NRDE2: variants seen among roughly 807,000 people sequenced by gnomAD.
The protein encoded by NRDE2 is nuclear exosome regulator NRDE2.
Under a neutral mutation model 124.2 loss-of-function variants are expected in NRDE2, and 76 were observed. That is an observed-to-expected ratio of 0.61 (90% CI 0.51 to 0.74). The LOEUF is 0.74. Ranked by LOEUF, NRDE2 falls within the 30% of genes least tolerant of loss-of-function variation. NRDE2 has a pLI of 0.00. For missense variants in NRDE2, 1,314 were observed against 1,417.3 expected, an observed-to-expected ratio of 0.93 and a Z score of 1.17; for synonymous variants, 489 against 528.1, an observed-to-expected ratio of 0.93 and a Z score of 1.01.
At position 90,269,912 on chromosome 14, in the gene NRDE2, A is replaced by G; in HGVS notation, c.*8424T>C. On this transcript the variant is annotated 3_prime_UTR_variant, in exon 14 of 14. Coordinates refer to ENST00000354366, the MANE Select transcript of NRDE2 (RefSeq NM_017970.4). ...AGTGATTTGTTTGCTGTCTTTTGTAATGTTTTTAACACAATAGGTCTGCCC... is the reference window on the plus strand; with the variant it reads ...AGTGATTTGTTTGCTGTCTTTTGTAGTGTTTTTAACACAATAGGTCTGCCC... The G allele has an allele frequency of 2.5e-6, 1 of 395,918 alleles. No homozygotes were observed. Among genetic ancestry groups the G allele is most frequent in the African/African-American group, 2.0e-5 (1 of 49,114 alleles). The allele number at this position is 395,918 out of a possible 1,614,324, so 24.5% of individuals were successfully genotyped here.
intron 3 of NRDE2, among the ~76,000 whole-genome samples, chr14:90,315,673 G>C (rs1240037561): frequency 1.3e-5 from 2 of 152,066 alleles, no homozygotes; most frequent in Non-Finnish European, 2.9e-5. Context: ...GTAGAAAGCA[G>C]AGTAGGCCAC....
rs1450473040 is a variant in NRDE2 at position 90,272,602 on chromosome 14, A to G, written c.*5734T>C. On this transcript the variant is annotated 3_prime_UTR_variant, in exon 14 of 14. Transcript: ENST00000354366. This position sits in a 1 kb window ranked among gnomAD's most constrained non-coding sequence, Gnocchi z 4.5. ...TCACTGTGCAGCAGTCTGCTTCCCA[A>G]TAAAGCGTGCTCTTTCACAAACACT... is the stretch of plus-strand genomic sequence containing the variant. 6 of 499,138 alleles carry G rather than the reference A, an allele frequency of 1.2e-5. No individual in the cohort carries two copies. Among genetic ancestry groups the G allele is most frequent in the South Asian group, 2.6e-5 (1 of 38,374 alleles). The allele number at this position is 499,138 out of a possible 1,614,324, so 30.9% of individuals were successfully genotyped here. A position where few individuals can be genotyped will look rare whatever the true frequency, so the allele number is the denominator to read the frequency against.
chr14:90,289,076 C>T lies in NRDE2; in HGVS notation c.2299G>A (p.Ala767Thr). ...TCTGGCTCCTTAAGGAGATTCTTGG[C>T]TAGTTTTTTGCAGTTCTTCCCTTGA... ...KSQGKNCKKL[A>T]KNLLKEPENC... The change falls in exon 11 of 14, where the codon GCC becomes ACC. Residue 767 changes from alanine (A) to threonine (T), a missense_variant. Physicochemically the swap from Ala to Thr is moderately conservative, Grantham distance 58 (BLOSUM62 0). Coordinates refer to ENST00000354366, the MANE Select transcript of NRDE2 (RefSeq NM_017970.4). The T allele has an allele frequency of 6.2e-7, 1 of 1,613,968 alleles. No homozygotes were observed. Among genetic ancestry groups the T allele is most frequent in the Non-Finnish European group, 8.5e-7 (1 of 1,179,864 alleles).
At position 90,290,322 on chromosome 14, in the gene NRDE2, C is replaced by T. The variant is rs1043134642; in HGVS notation, c.2128G>A (p.Glu710Lys). The T allele has an allele frequency of 2.8e-5, 45 of 1,613,990 alleles. No homozygotes were observed. Among genetic ancestry groups the T allele is most frequent in the East Asian group, 4.5e-5 (2 of 44,896 alleles). ...RWTRGQNREG[E>K]EFIRNVFHLV... ...TGGAAGACATTGCGGATGAACTCCT[C>T]GCCCTCTCGGTTCTGACCCCTGGTC... The change falls in exon 10 of 14, where the codon GAG becomes AAG. Residue 710 changes from glutamate to lysine, a missense_variant. Transcript: ENST00000354366.
At chr14:90,311,004 GTTA>G (rs1370718702) in intron 4 of NRDE2, among the ~76,000 whole-genome samples, 1 of 152,174 alleles carries the variant, frequency 6.6e-6, no homozygotes, top group Non-Finnish European at 1.5e-5. Context: ...TAAAACAACT[GTTA>G]TTAACTCATT....
At chr14:90,309,472 CA>C (rs746289824) in intron 4 of NRDE2, among the ~76,000 whole-genome samples, 18 of 110,746 alleles carry the variant, frequency 1.6e-4, no homozygotes, top group East Asian at 2.6e-4. Flanking sequence ...GACTCTGTCT[CA>C]AAAAAAAAAA....
intron 4 of NRDE2, among the ~76,000 whole-genome samples, chr14:90,310,949 C>A (rs1300112767): frequency 6.6e-6 from 1 of 152,086 alleles, no homozygotes; most frequent in Non-Finnish European, 1.5e-5. Flanking sequence ...TTATACTCAA[C>A]CATAAAGTTT....
Position 90,302,918 on chromosome 14 carries a change from G to T in NRDE2, c.1213C>A (p.Gln405Lys). Residue 405 changes from glutamine to lysine, a missense_variant, in exon 6 of 14, where the codon CAG (glutamine) becomes AAG (lysine). Transcript: ENST00000354366. ...WEPSTLVKEW[Q>K]KLIFLHPNNT... is the part of the protein sequence containing the mutation. Reference sequence around the variant, plus strand: ...TTGGGATGCAAAAATATCAGTTTCTGCCACTCTTTGACCAGAGTGGAGGGC... The same window carrying T: ...TTGGGATGCAAAAATATCAGTTTCTTCCACTCTTTGACCAGAGTGGAGGGC... 1 of 1,614,100 alleles carries T rather than the reference G, an allele frequency of 6.2e-7. No homozygotes were observed. The highest frequency in any genetic ancestry group is 8.5e-7 in the Non-Finnish European group (1 of 1,180,034).
chr14:90,287,003 C>T (rs890248849), intron 11 of NRDE2, among the ~76,000 whole-genome samples: 25 of 120,828 alleles, frequency 2.1e-4, no homozygotes, highest in African/African-American at 7.9e-4. Flanking sequence ...CACTGCATTC[C>T]AGCCTGGGCA....
chr14:90,278,048 C>T lies in NRDE2; in HGVS notation c.*288G>A, dbSNP rs774265568. On this transcript the variant is annotated 3_prime_UTR_variant, in exon 14 of 14. Coordinates refer to ENST00000354366, the MANE Select transcript of NRDE2 (RefSeq NM_017970.4). ...CGCACAGGGAGAGAATGAGCAAGGA[C>T]GCTGCCACGCCTCAATCATCATCGG... is the stretch of plus-strand genomic sequence containing the variant. The T allele has an allele frequency of 3.6e-6, 1 of 280,666 alleles. No individual in the cohort carries two copies. The allele number at this position is 280,666 out of a possible 1,614,324, so 17.4% of individuals were successfully genotyped here.
chr14:90,303,727 T>C (rs146635572), intron 5 of NRDE2, among the ~76,000 whole-genome samples: 1 of 152,282 alleles, frequency 6.6e-6, no homozygotes, highest in East Asian at 1.9e-4. Context: ...ATTACAGCAT[T>C]TACTACCCCA....
chr14:90,312,652 G>A (rs1884888711), intron 3 of NRDE2, 109 bp from the exon 4 acceptor site: 8 of 1,001,288 alleles, frequency 8.0e-6, no homozygotes, highest in Non-Finnish European at 1.2e-5. Flanking sequence ...ACTCCACATG[G>A]CATCAAACAC....
intron 1 of NRDE2, among the ~76,000 whole-genome samples, chr14:90,330,996 G>A (rs1415028056): frequency 6.6e-6 from 1 of 151,782 alleles, no homozygotes; most frequent in Admixed American, 6.6e-5. Context: ...GCACGATCAT[G>A]GCTCACTGCG....
rs1321804835 is a variant in NRDE2, at chr14:90,271,631, TTTTG to T, written c.*6701_*6704del. 3.9e-5 allele frequency: 6 copies of T among 152,294 alleles called. No homozygotes were observed. The highest frequency in any genetic ancestry group is 3.4e-3 in the Middle Eastern group (1 of 294). The allele number at this position is 152,294 out of a possible 1,614,324, so 9.4% of individuals were successfully genotyped here. A position where few individuals can be genotyped will look rare whatever the true frequency, so the allele number is the denominator to read the frequency against. On this transcript the variant is annotated 3_prime_UTR_variant, in exon 14 of 14. Coordinates refer to ENST00000354366, the MANE Select transcript of NRDE2 (RefSeq NM_017970.4). Reference sequence around the variant, plus strand: ...ATTGCCTCTAAGTTTCAGGGCATAATTTTGTTTATTTCCTAGGAATATTATTCTC... The same window carrying T: ...ATTGCCTCTAAGTTTCAGGGCATAATTTTATTTCCTAGGAATATTATTCTC...
At chr14:90,311,080 T>G (rs903733712) in intron 4 of NRDE2, among the ~76,000 whole-genome samples, 1 of 152,154 alleles carries the variant, frequency 6.6e-6, no homozygotes, top group African/African-American at 2.4e-5. Flanking sequence ...TGAGTGACAA[T>G]AGGATTAAAA....
rs1427476538 is a variant in NRDE2 at position 90,302,782 on chromosome 14, GCAGA to G, written c.1345_1348del (p.Ser449LeufsTer58). On this transcript the variant is annotated frameshift_variant, in exon 6 of 14. Transcript: ENST00000354366. LOFTEE classifies it high-confidence loss of function. ...AGATAAGATGCTGCCGTCCTTAACA[GCAGA>G]CAAAGTGCTCAAGCATTTTCCATAA... 5.0e-6 allele frequency: 8 copies of G among 1,614,016 alleles called. No homozygotes were observed. The highest frequency in any genetic ancestry group is 5.9e-6 in the Non-Finnish European group (7 of 1,180,030).
At chr14:90,278,974 G>A (rs1221506788) in intron 13 of NRDE2, 88 bp downstream of exon 13, 10 of 920,286 alleles carry the variant, frequency 1.1e-5, no homozygotes, top group Admixed American at 1.8e-5. Flanking sequence ...CCCCGGTGCC[G>A]CGGGGCAGGC....
In NRDE2 at chr14:90,273,923, GA is replaced by G. The variant is rs1891732380; in HGVS notation, c.*4412del. On this transcript the variant is annotated 3_prime_UTR_variant, in exon 14 of 14. Transcript: ENST00000354366. ...CTTTTCTATTCTTATGGATCCTTGTGATTGCATTGGACCCATGCAGATGATC... is the reference window on the plus strand; with the variant it reads ...CTTTTCTATTCTTATGGATCCTTGTGTTGCATTGGACCCATGCAGATGATC... 6.5e-6 allele frequency: 1 copy of G among 154,836 alleles called. No homozygotes were observed. The highest frequency in any genetic ancestry group is 1.5e-5 in the Non-Finnish European group (1 of 68,226). 9.6% of individuals were successfully genotyped at this position (154,836 alleles called of 1,614,324 possible). A position where few individuals can be genotyped will look rare whatever the true frequency, so the allele number is the denominator to read the frequency against.
intron 1 of NRDE2, among the ~76,000 whole-genome samples, chr14:90,325,892 T>C (rs1885411828): frequency 6.6e-6 from 1 of 152,210 alleles, no homozygotes. Flanking sequence ...ATTTTGGTAT[T>C]GGCTGTCTTT....
Sources: allele counts gnomAD v4.1 joint callset (sites outside exome capture counted in the v4.1 genomes callset), GRCh38; gene constraint gnomAD v4.1.1; non-coding constraint Gnocchi (gnomAD v3.1); transcripts MANE v1.5; gene names NCBI Gene and HGNC (gene_info 2026-07-23, HGNC 2026-07-21).